The following PIN4 variants were observed in gnomAD, a reference collection of about 807,000 sequenced individuals.
The protein encoded by PIN4 is peptidyl-prolyl cis-trans isomerase NIMA-interacting 4.
PIN4 carries 3 observed loss-of-function variants against 8.3 expected under a neutral mutation model. The observed-to-expected ratio is 0.36, with a 90% CI of 0.16 to 0.93. The LOEUF is 0.93. Ranked by LOEUF, PIN4 falls within the 40% of genes least tolerant of loss-of-function variation. The probability of loss-of-function intolerance (pLI) is 0.44; values close to 1 mark genes in which losing one functional copy is unlikely to be tolerated. For missense variants in PIN4, 75 were observed against 100.6 expected, an observed-to-expected ratio of 0.75 and a Z score of 1.09; for synonymous variants, 18 against 32.5, an observed-to-expected ratio of 0.55 and a Z score of 1.52.
At chrX:72,208,527 A>T in intron 3 of PIN4, 2 of 1,211,850 alleles carry the variant, frequency 1.7e-6, no homozygotes, top group South Asian at 1.8e-5. Flanking sequence ...AGTTGCACAC[A>T]TCTGTAAATT....
exon 4 of PIN4, chrX:72,262,993 G>A (rs954609293): frequency 2.8e-5 from 10 of 353,609 alleles, no homozygotes; most frequent in East Asian, 4.8e-5. Context: ...ATGTGGGGGC[G>A]GGTTTGTAGG....
At chrX:72,259,920 G>A (rs1226951193) in intron 3 of PIN4, among the ~76,000 whole-genome samples, 4 of 102,853 alleles carry the variant, frequency 3.9e-5, no homozygotes, top group Non-Finnish European at 5.9e-5. Context: ...TTTTTTTTTA[G>A]TATAGACGGG....
chrX:72,196,179 C>T lies in PIN4; in HGVS notation c.118-606C>T, dbSNP rs1291988487. On this transcript the variant is annotated intron_variant, in intron 2 of 3. Transcript: ENST00000373669. ...GCAGAGTTGGGATTTGATTCTAGGACCACAGCTCTCAACCCGTATCGTGTT... is the reference window on the plus strand; with the variant it reads ...GCAGAGTTGGGATTTGATTCTAGGATCACAGCTCTCAACCCGTATCGTGTT... Among the ~76,000 whole-genome samples the T allele has an allele frequency of 1.4e-4, 16 of 110,883 alleles. No homozygotes were observed. The East Asian group carries it at 3.4e-3, about 24-fold the overall frequency.
At chrX:72,217,555 AAATTG>A (rs973579410) in intron 3 of PIN4, among the ~76,000 whole-genome samples, 1 of 111,746 alleles carries the variant, frequency 8.9e-6, no homozygotes, top group Admixed American at 9.5e-5. Context: ...GGCCACCATT[AAATTG>A]AATATTCATG....
intron 3 of PIN4, chrX:72,204,688 C>A (rs1317352722): frequency 1.5e-5 from 2 of 132,715 alleles, no homozygotes; most frequent in African/African-American, 6.3e-5. Context: ...CTTTAATTTT[C>A]TTATCTGAAC....
chrX:72,206,642 C>T, intron 3 of PIN4: 1 of 1,211,425 alleles, frequency 8.3e-7, no homozygotes, highest in Non-Finnish European at 1.1e-6. Flanking sequence ...GACTCGAATT[C>T]AACGAGGAAT....
In PIN4 at chrX:72,238,885, T is replaced by A. The variant is rs751353457; in HGVS notation, c.313-23822T>A. The A allele has an allele frequency of 3.3e-6, 4 of 1,197,105 alleles. No individual in the cohort carries two copies. The East Asian group carries it at 1.2e-4, about 36-fold the overall frequency. On this transcript the variant is annotated intron_variant, in intron 3 of 3. Coordinates refer to the PIN4 transcript ENST00000423432. Reference sequence around the variant, plus strand: ...CCTGCTCTGGGCTCAAGGCCTCGGCTTCCGGAAACCTTCGGGATGCCTCCA... The same window carrying A: ...CCTGCTCTGGGCTCAAGGCCTCGGCATCCGGAAACCTTCGGGATGCCTCCA...
At chrX:72,234,579 CAA>C (rs1406480048) in intron 3 of PIN4, among the ~76,000 whole-genome samples, 1 of 110,419 alleles carries the variant, frequency 9.1e-6, no homozygotes, top group African/African-American at 3.3e-5. Context: ...AAAATAGGAT[CAA>C]GAGAGGATTT....
intron 3 of PIN4, among the ~76,000 whole-genome samples, chrX:72,258,878 A>C (rs1233244475): frequency 9.0e-6 from 1 of 111,267 alleles, no homozygotes. Flanking sequence ...TCCCACTACC[A>C]TTACGTGATT....
intron 3 of PIN4, chrX:72,197,119 TC>T: frequency 2.2e-6 from 1 of 457,360 alleles, no homozygotes. Context: ...ATAAGGGTCA[TC>T]TATGTCAAAA....
rs1008019916 is a variant in PIN4 at position 72,228,737 on chromosome X, C to T, written c.312+31833C>T. On this transcript the variant is annotated intron_variant, in intron 3 of 3. Coordinates refer to the PIN4 transcript ENST00000423432. ...TTACTCTTACCCAAATAACCTTTTTCGCTTTTTGCTTGTTTTTTTTTCAAT... is the reference window on the plus strand; with the variant it reads ...TTACTCTTACCCAAATAACCTTTTTTGCTTTTTGCTTGTTTTTTTTTCAAT... 5.4e-5 allele frequency among the ~76,000 whole-genome samples: 6 copies of T among 111,141 alleles called. No individual in the cohort carries two copies. In the East Asian group the frequency reaches 8.5e-4, roughly 16 times the overall value.
intron 1 of PIN4, among the ~76,000 whole-genome samples, chrX:72,183,987 T>C (rs2042686191): frequency 8.9e-6 from 1 of 111,976 alleles, no homozygotes; most frequent in Admixed American, 9.5e-5. Context: ...ACAAAAGAAG[T>C]GCCTTCAGGG....
intron 3 of PIN4, among the ~76,000 whole-genome samples, chrX:72,259,725 T>G (rs932227457): frequency 1.6e-5 from 1 of 64,426 alleles, no homozygotes; most frequent in Non-Finnish European, 2.7e-5. Flanking sequence ...GGCCATATCC[T>G]TTTTTTTTTT....
At chrX:72,196,114 G>A (rs1366435712) in intron 2 of PIN4, among the ~76,000 whole-genome samples, 2 of 108,098 alleles carry the variant, frequency 1.9e-5, no homozygotes, top group African/African-American at 3.4e-5. Flanking sequence ...GTGAGACTCC[G>A]TCTCTAAATA....
At position 72,219,411 on chromosome X, in the gene PIN4, G is replaced by A. The variant is rs747964352; in HGVS notation, c.312+22507G>A. ...TCTACTAAAAATACAAAAATTAGCC[G>A]GGCGTGGTGGCCTGCGCCTGAAATC... On this transcript the variant is annotated intron_variant, in intron 3 of 3. Coordinates refer to the PIN4 transcript ENST00000423432. Among the ~76,000 whole-genome samples the A allele has an allele frequency of 8.3e-5, 9 of 107,852 alleles. 1 individual carries two copies. In the South Asian group the frequency reaches 1.6e-3, roughly 20 times the overall value. 93.7% of individuals were successfully genotyped at this position (107,852 alleles called of 115,157 possible). A position where few individuals can be genotyped will look rare whatever the true frequency, so the allele number is the denominator to read the frequency against.
chrX:72,211,332 T>C (rs1467577625), intron 3 of PIN4, among the ~76,000 whole-genome samples: 1 of 109,969 alleles, frequency 9.1e-6, no homozygotes, highest in African/African-American at 3.3e-5. Context: ...CAAAGAACCA[T>C]AACCCTCAAG....
At chrX:72,203,249 T>C (rs2042797856), downstream of PIN4, among the ~76,000 whole-genome samples, 2 of 112,205 alleles carry the variant, frequency 1.8e-5, no homozygotes, top group Admixed American at 1.9e-4. Context: ...GCCCTACACA[T>C]CTCTTCCATT....
At chrX:72,200,479 T>A (rs1218964869), downstream of PIN4, among the ~76,000 whole-genome samples, 1 of 111,816 alleles carries the variant, frequency 8.9e-6, no homozygotes, top group Non-Finnish European at 1.9e-5. Context: ...TGGCAATACC[T>A]GTCAAATTTA....
chrX:72,212,256 C>T (rs950699674), intron 3 of PIN4, among the ~76,000 whole-genome samples: 4 of 109,936 alleles, frequency 3.6e-5, no homozygotes, highest in Non-Finnish European at 5.7e-5. Context: ...TGCACCACAG[C>T]GAGACCCCAT....
Sources: gnomAD v4.1 joint callset for allele counts (sites outside exome capture counted in the v4.1 genomes callset) on GRCh38, gnomAD v4.1.1 for gene constraint, MANE v1.5 for transcripts, NCBI Gene and HGNC (gene_info 2026-07-23, HGNC 2026-07-21) for gene names.